ACYP2: variants seen among roughly 807,000 people sequenced by gnomAD.
The protein encoded by ACYP2 is acylphosphatase-2.
Under a neutral mutation model 11.2 loss-of-function variants are expected in ACYP2, and 12 were observed. The observed-to-expected ratio is 1.08, with a 90% confidence interval of 0.69 to 1.74. ACYP2 has a LOEUF of 1.74. Ranked by LOEUF, ACYP2 falls within the 40% of genes most tolerant of loss-of-function variation. The pLI is 0.00. For synonymous variants in ACYP2, 43 were observed against 32.2 expected (o/e 1.33, Z -1.13); for missense variants, 134 against 101.9 (o/e 1.31, Z -1.35).
chr2:54,189,444 T>C (rs941685172), intron 6 of ACYP2, among the ~76,000 whole-genome samples: 11 of 152,214 alleles, frequency 7.2e-5, no homozygotes, highest in Admixed American at 6.5e-4. Context: ...ATTATTTTAC[T>C]TAGCATAATG....
chr2:53,971,525 C>A (rs191767389), intron 1 of ACYP2, among the ~76,000 whole-genome samples: 5 of 152,310 alleles, frequency 3.3e-5, no homozygotes, highest in Non-Finnish European at 7.3e-5. Context: ...TAGTTACTCG[C>A]TGAACAAATG....
intron 6 of ACYP2, among the ~76,000 whole-genome samples, chr2:54,201,682 CTCTCTCTCTCTCTCTCTTT>C (rs1684834361): frequency 9.0e-6 from 1 of 110,748 alleles, no homozygotes; most frequent in East Asian, 2.6e-4. Context: ...TTCTTTCTTT[CTCTCTCTCTCTCTCTCTTT>C]TTTCTTTTCT....
At chr2:54,178,223 T>C (rs1285588324) in intron 6 of ACYP2, among the ~76,000 whole-genome samples, 3 of 152,220 alleles carry the variant, frequency 2.0e-5, no homozygotes, top group East Asian at 3.8e-4. Context: ...TAATTCCCTA[T>C]TGTTATATAT....
At chr2:54,212,418 T>C (rs1246354887) in intron 6 of ACYP2, among the ~76,000 whole-genome samples, 2 of 152,168 alleles carry the variant, frequency 1.3e-5, no homozygotes, top group Non-Finnish European at 2.9e-5. Context: ...TCAGCTGTAA[T>C]CTCCTTTTCC....
intron 4 of ACYP2, 177 bp from the exon 1 acceptor site, chr2:54,115,438 T>A (rs1679693303): frequency 1.2e-6 from 1 of 810,072 alleles, no homozygotes; most frequent in Admixed American, 3.3e-5. Flanking sequence ...GACAGCATCC[T>A]CCCCAGTCCG....
At chr2:54,141,099 C>T (rs988682245) in intron 6 of ACYP2, among the ~76,000 whole-genome samples, 4 of 152,190 alleles carry the variant, frequency 2.6e-5, no homozygotes, top group East Asian at 1.9e-4. Flanking sequence ...AATTTGTTCT[C>T]ATGAACTCCC....
At chr2:54,109,441 A>G (rs1679340081) in intron 4 of ACYP2, among the ~76,000 whole-genome samples, 1 of 152,160 alleles carries the variant, frequency 6.6e-6, no homozygotes, top group African/African-American at 2.4e-5. Context: ...GGATAAAAAA[A>G]CTGCATATTG....
At chr2:54,019,633 A>ATTATTG (rs1358959207) in intron 2 of ACYP2, among the ~76,000 whole-genome samples, 1 of 150,484 alleles carries the variant, frequency 6.6e-6, no homozygotes, top group East Asian at 2.0e-4. Flanking sequence ...TATTATTATT[A>ATTATTG]TTTTGAGACG....
intron 6 of ACYP2, among the ~76,000 whole-genome samples, chr2:54,153,946 T>C (rs1416917448): frequency 1.3e-5 from 2 of 152,168 alleles, no homozygotes; most frequent in Non-Finnish European, 2.9e-5. Flanking sequence ...TCCATGAACG[T>C]GGAATATCCT....
At chr2:54,230,500 A>T (rs1409163376) in intron 6 of ACYP2, among the ~76,000 whole-genome samples, 2 of 151,442 alleles carry the variant, frequency 1.3e-5, no homozygotes, top group East Asian at 3.9e-4. Flanking sequence ...GGGCGCCACC[A>T]CACCCGGCTA....
At chr2:54,113,952 T>C (rs1679597161) in intron 4 of ACYP2, among the ~76,000 whole-genome samples, 1 of 152,072 alleles carries the variant, frequency 6.6e-6, no homozygotes, top group Non-Finnish European at 1.5e-5. Flanking sequence ...GATGGAAGAG[T>C]TAAGTTACGA....
At chr2:54,059,531 A>G (rs191475792) in intron 4 of ACYP2, among the ~76,000 whole-genome samples, 61 of 152,200 alleles carry the variant, frequency 4.0e-4, no homozygotes, top group African/African-American at 1.4e-3. Context: ...TTATTTTTCT[A>G]TCAATTCAAC....
chr2:54,209,328 G>A (rs1685227680), intron 6 of ACYP2, among the ~76,000 whole-genome samples: 1 of 152,082 alleles, frequency 6.6e-6, no homozygotes, highest in African/African-American at 2.4e-5. Flanking sequence ...AAAAGTTCAT[G>A]TTTTATTTTC....
chr2:54,247,526 C>T (rs1344990289), intron 6 of ACYP2, among the ~76,000 whole-genome samples: 1 of 152,066 alleles, frequency 6.6e-6, no homozygotes, highest in African/African-American at 2.4e-5. Context: ...ACTACTGTAT[C>T]TTATATTCAT....
intron 6 of ACYP2, among the ~76,000 whole-genome samples, chr2:54,193,882 AT>A (rs564438527): frequency 9.7e-4 from 147 of 152,300 alleles, no homozygotes; most frequent in African/African-American, 3.3e-3. Context: ...AAACACTCTC[AT>A]TTATGATTCA....
intron 6 of ACYP2, among the ~76,000 whole-genome samples, chr2:54,149,964 G>C (rs1682071724): frequency 6.6e-6 from 1 of 152,130 alleles, no homozygotes; most frequent in African/African-American, 2.4e-5. Context: ...TTTCCAGAAG[G>C]CAATAATCTT....
At chr2:54,213,073 C>T (rs188798953) in intron 6 of ACYP2, among the ~76,000 whole-genome samples, 7 of 152,110 alleles carry the variant, frequency 4.6e-5, no homozygotes, top group Admixed American at 1.3e-4. Context: ...GATAGTTTTT[C>T]GATGGTCACC....
intron 6 of ACYP2, among the ~76,000 whole-genome samples, chr2:54,268,590 C>G (rs1359286787): frequency 6.6e-6 from 1 of 151,036 alleles, no homozygotes; most frequent in Non-Finnish European, 1.5e-5. Context: ...TCACTTGAGC[C>G]CAGGAGTTCG....
chr2:54,069,397 T>A (rs1331405054), intron 4 of ACYP2, among the ~76,000 whole-genome samples: 1 of 151,772 alleles, frequency 6.6e-6, no homozygotes, highest in Non-Finnish European at 1.5e-5. Flanking sequence ...GCACGGTGGC[T>A]CATGCCTGTA....
Sources: gnomAD v4.1 joint callset for allele counts (sites outside exome capture counted in the v4.1 genomes callset) on GRCh38, gnomAD v4.1.1 for gene constraint, MANE v1.5 for transcripts, NCBI Gene and HGNC (gene_info 2026-07-23, HGNC 2026-07-21) for gene names.